ARB2A: variants seen among roughly 807,000 people sequenced by gnomAD.
ARB2A encodes ARB2 cotranscriptional regulator A, also known as cotranscriptional regulator ARB2A.
chr5:93,865,370 G>A, the ARB2A span: 131 of 985,026 alleles, frequency 1.3e-4, no homozygotes, highest in African/African-American at 8.4e-4. Context: ...ATGAGCCACC[G>A]CGCCCAGCCG....
the ARB2A span, among the ~76,000 whole-genome samples, chr5:93,762,065 C>G: frequency 1.3e-5 from 2 of 151,808 alleles, no homozygotes; most frequent in Non-Finnish European, 2.9e-5. Flanking sequence ...TCACCATCAT[C>G]AAAGACCAAA....
At chr5:93,642,572 C>T in the ARB2A span, among the ~76,000 whole-genome samples, 4 of 152,078 alleles carry the variant, frequency 2.6e-5, no homozygotes, top group Non-Finnish European at 4.4e-5. Flanking sequence ...AGGTTTTTGC[C>T]ATTTTTGGCC....
chr5:94,108,420 G>C, the ARB2A span, among the ~76,000 whole-genome samples: 1 of 151,184 alleles, frequency 6.6e-6, no homozygotes, highest in African/African-American at 2.4e-5. Context: ...ACAGATACCT[G>C]GTCAACAGAC....
At chr5:94,041,321 G>A in the ARB2A span, among the ~76,000 whole-genome samples, 6 of 151,916 alleles carry the variant, frequency 3.9e-5, no homozygotes. Context: ...TTTCAAGACG[G>A]CCCAGCAAAC....
chr5:93,952,706 T>A, the ARB2A span, among the ~76,000 whole-genome samples: 2 of 152,154 alleles, frequency 1.3e-5, no homozygotes, highest in Non-Finnish European at 2.9e-5. Context: ...GATATTGATA[T>A]CTCTCTCTAG....
At chr5:93,993,016 G>A in the ARB2A span, among the ~76,000 whole-genome samples, 40 of 152,036 alleles carry the variant, frequency 2.6e-4, no homozygotes, top group Admixed American at 2.5e-3. Flanking sequence ...ATCTGCACAC[G>A]ATTTTAGAAA....
chr5:93,630,615 C>T, the ARB2A span, among the ~76,000 whole-genome samples: 6 of 151,972 alleles, frequency 3.9e-5, no homozygotes, highest in African/African-American at 7.3e-5. Flanking sequence ...TACAAGAGGG[C>T]GTAGTGGGGG....
the ARB2A span, among the ~76,000 whole-genome samples, chr5:94,026,803 C>A: frequency 2.0e-5 from 3 of 152,112 alleles, no homozygotes; most frequent in African/African-American, 4.8e-5. Context: ...TTGGACCCGC[C>A]CCATCTGCCT....
chr5:93,873,624 ACT>A, the ARB2A span, among the ~76,000 whole-genome samples: 2 of 152,028 alleles, frequency 1.3e-5, no homozygotes, highest in African/African-American at 4.8e-5. Flanking sequence ...TTAAATGAAA[ACT>A]CTAAAATGAA....
chr5:94,072,603 G>A, the ARB2A span, among the ~76,000 whole-genome samples: 7 of 152,078 alleles, frequency 4.6e-5, no homozygotes, highest in East Asian at 3.9e-4. Flanking sequence ...GTTAGAGGGC[G>A]GTGGTAAATA....
At chr5:94,089,818 T>A in the ARB2A span, among the ~76,000 whole-genome samples, 4 of 152,332 alleles carry the variant, frequency 2.6e-5, no homozygotes, top group African/African-American at 4.8e-5. Context: ...ATTGTAATGG[T>A]AGTTATATAC....
chr5:93,696,147 C>T, the ARB2A span, among the ~76,000 whole-genome samples: 1 of 152,124 alleles, frequency 6.6e-6, no homozygotes, highest in Non-Finnish European at 1.5e-5. Flanking sequence ...AACAAACCTG[C>T]ACGTTCTGCA....
the ARB2A span, among the ~76,000 whole-genome samples, chr5:93,795,733 G>C: frequency 1.3e-5 from 2 of 151,798 alleles, no homozygotes; most frequent in Admixed American, 1.3e-4. Flanking sequence ...TTAGATCTTA[G>C]ATTTCAGACC....
the ARB2A span, among the ~76,000 whole-genome samples, chr5:93,650,862 C>T: frequency 1.2e-3 from 183 of 151,538 alleles, 1 homozygote; most frequent in Middle Eastern, 3.5e-3. Context: ...CATGGTCGTG[C>T]ATGCCTATAA....
chr5:93,884,933 T>C, the ARB2A span, among the ~76,000 whole-genome samples: 1 of 151,550 alleles, frequency 6.6e-6, no homozygotes, highest in Admixed American at 6.6e-5. Flanking sequence ...TTCCCTTCTT[T>C]TCTCTGTCAT....
the ARB2A span, among the ~76,000 whole-genome samples, chr5:94,012,380 G>C: frequency 1.7e-4 from 26 of 152,252 alleles, 1 homozygote; most frequent in East Asian, 1.2e-3. Flanking sequence ...CCAGCCTGGA[G>C]GACAGAGCGA....
At chr5:93,928,331 G>C in the ARB2A span, among the ~76,000 whole-genome samples, 1 of 152,144 alleles carries the variant, frequency 6.6e-6, no homozygotes, top group Non-Finnish European at 1.5e-5. Flanking sequence ...ACGGACCAAT[G>C]TTAACTTTAA....
chr5:94,030,203 C>G, the ARB2A span, among the ~76,000 whole-genome samples: 1,179 of 152,308 alleles, frequency 7.7e-3, 25 homozygotes, highest in Non-Finnish European at 6.1e-3. Flanking sequence ...ACTGTTGTAA[C>G]AAGCAACACA....
At chr5:93,881,674 T>G in the ARB2A span, 1 of 1,569,026 alleles carries the variant, frequency 6.4e-7, no homozygotes, top group Non-Finnish European at 8.6e-7. Flanking sequence ...TTAGTACTAT[T>G]ACTCCATATC....
Sources: gnomAD v4.1 joint callset for allele counts (sites outside exome capture counted in the v4.1 genomes callset) on GRCh38, gnomAD v4.1.1 for gene constraint, MANE v1.5 for transcripts, NCBI Gene and HGNC (gene_info 2026-07-23, HGNC 2026-07-21) for gene names.